The following POU2F3 variants were observed in gnomAD, a reference collection of about 807,000 sequenced individuals.
The protein encoded by POU2F3 is POU domain, class 2, transcription factor 3.
A neutral mutation model predicts 59.2 loss-of-function variants in POU2F3; 23 were observed. The observed-to-expected ratio is 0.39, with a 90% confidence interval of 0.28 to 0.55. The LOEUF is 0.55. Ranked by LOEUF, POU2F3 falls within the 20% of genes least tolerant of loss-of-function variation. POU2F3 has a pLI of 0.66. For synonymous variants in POU2F3, 190 were observed against 214.6 expected, an observed-to-expected ratio of 0.89 and a Z score of 1.00; for missense variants, 473 against 544.5, an observed-to-expected ratio of 0.87 and a Z score of 1.31.
At chr11:120,244,064 G>T (rs1463872609) in intron 1 of POU2F3, among the ~76,000 whole-genome samples, 1 of 152,220 alleles carries the variant, frequency 6.6e-6, no homozygotes, top group Non-Finnish European at 1.5e-5. Flanking sequence ...TTTAGCTAAA[G>T]AATTACCTTC....
At chr11:120,250,423 C>G (rs1939048833) in intron 2 of POU2F3, 1 of 152,232 alleles carries the variant, frequency 6.6e-6, no homozygotes, top group South Asian at 2.1e-4. Context: ...ACAGTGACAA[C>G]ATGTGTCTGT....
intron 3 of POU2F3, among the ~76,000 whole-genome samples, chr11:120,280,586 A>G (rs1232901909): frequency 6.6e-6 from 1 of 152,236 alleles, no homozygotes; most frequent in East Asian, 1.9e-4. Context: ...CTACCATACC[A>G]GGCTGCTTTT....
chr11:120,249,574 A>G (rs1939015636), intron 2 of POU2F3, among the ~76,000 whole-genome samples: 1 of 152,226 alleles, frequency 6.6e-6, no homozygotes, highest in African/African-American at 2.4e-5. Context: ...TGATGAGAAT[A>G]TAGCCTTACC....
chr11:120,247,771 C>T (rs1160052227), intron 2 of POU2F3, among the ~76,000 whole-genome samples: 1 of 152,212 alleles, frequency 6.6e-6, no homozygotes, highest in African/African-American at 2.4e-5. Context: ...CACACTGACA[C>T]CCTTCCCTAG....
Position 120,318,588 on chromosome 11 carries a change from C to T in POU2F3, c.*196C>T, listed in dbSNP as rs1485888474. On this transcript the variant is annotated 3_prime_UTR_variant, in exon 13 of 13. Transcript: ENST00000543440. ...CTGTGATTGAACCAAGTGCAGACTC[C>T]TAATGCTCTTGAAATACACAGCCCC... 2 of 580,676 alleles carry T rather than the reference C, an allele frequency of 3.4e-6. No homozygotes were observed. The highest frequency in any genetic ancestry group is 3.8e-5 in the African/African-American group (2 of 53,124). 36.0% of individuals were successfully genotyped at this position (580,676 alleles called of 1,614,324 possible).
Position 120,317,378 on chromosome 11 carries a change from G to A in POU2F3, c.1271+14G>A. ...TAACTCTTCAGGGTAAGGTGAAGGG[G>A]ACGGTGCAGAGACATCCCAGCAGGG... On this transcript the variant is annotated intron_variant, in intron 12 of 12. Transcript: ENST00000543440. 1 of 1,614,046 alleles carries A rather than the reference G, an allele frequency of 6.2e-7. No homozygotes were observed. The highest frequency in any genetic ancestry group is 8.5e-7 in the Non-Finnish European group (1 of 1,179,956).
intron 2 of POU2F3, chr11:120,254,149 G>T (rs1467900144): frequency 6.6e-6 from 1 of 152,232 alleles, no homozygotes; most frequent in African/African-American, 2.4e-5. Context: ...CGATTAGGGC[G>T]ATGAACACCT....
intron 10 of POU2F3, 95 bp from the exon 11 acceptor site, chr11:120,315,266 C>A: frequency 2.6e-6 from 3 of 1,167,752 alleles, no homozygotes; most frequent in Middle Eastern, 2.0e-4. Flanking sequence ...AAGCCCTGGT[C>A]TCTGTAGAGT....
intron 3 of POU2F3, among the ~76,000 whole-genome samples, chr11:120,294,743 T>G (rs1291577338): frequency 1.3e-5 from 2 of 152,180 alleles, no homozygotes; most frequent in Admixed American, 6.5e-5. Flanking sequence ...CCCTTCCTCC[T>G]TCCTGTTGAA....
intron 3 of POU2F3, among the ~76,000 whole-genome samples, chr11:120,284,049 C>T (rs1433819419): frequency 1.3e-5 from 2 of 151,782 alleles, no homozygotes; most frequent in East Asian, 1.9e-4. Flanking sequence ...CACGGTGGTG[C>T]GCACCTGTAA....
intron 9 of POU2F3, 26 bp from the exon 10 acceptor site, chr11:120,309,399 A>G (rs1263035560): frequency 6.3e-7 from 1 of 1,591,256 alleles, no homozygotes; most frequent in Non-Finnish European, 8.6e-7. Flanking sequence ...TCTCTTGGCC[A>G]TACTCTGTCC....
Position 120,240,348 on chromosome 11 carries a change from T to G in POU2F3, c.5T>G (p.Val2Gly), listed in dbSNP as rs1374534008. ...TTTGGCCCCGCCTGGGGCAGGATGG[T>G]GAATCTGGAGTCCATGCACACAGGT... Reference protein sequence around the residue: MVNLESMHTDIK... With the variant: MGNLESMHTDIK... The change falls in exon 1 of 13, where the codon GTG becomes GGG. Residue 2 changes from valine (V) to glycine (G), a missense_variant. Transcript: ENST00000543440. 1.4e-6 allele frequency: 2 copies of G among 1,413,130 alleles called. No homozygotes were observed. The highest frequency in any genetic ancestry group is 1.9e-6 in the Non-Finnish European group (2 of 1,072,452). The allele number at this position is 1,413,130 out of a possible 1,614,324, so 87.5% of individuals were successfully genotyped here.
At position 120,298,290 on chromosome 11, in the gene POU2F3, C is replaced by G; in HGVS notation, c.158C>G (p.Ser53Cys). The change falls in exon 4 of 13, where the codon TCC becomes TGC. Residue 53 changes from serine to cysteine, a missense_variant. Transcript: ENST00000543440. ...ATTAAAACCGAAGATCTCAGTGACT[C>G]CCTGCAGCAGACCCTCTCCCATCGG... ...RQIKTEDLSDSLQQTLSHRPC... is the reference protein window; with the variant it reads ...RQIKTEDLSDCLQQTLSHRPC... 5 of 1,613,652 alleles carry G rather than the reference C, an allele frequency of 3.1e-6. No individual in the cohort carries two copies. The highest frequency in any genetic ancestry group is 3.4e-6 in the Non-Finnish European group (4 of 1,179,796).
At chr11:120,277,868 T>C (rs1346916192) in intron 3 of POU2F3, among the ~76,000 whole-genome samples, 2 of 152,190 alleles carry the variant, frequency 1.3e-5, no homozygotes, top group Non-Finnish European at 2.9e-5. Context: ...TATAAAACAA[T>C]GTGTATTTCA....
intron 2 of POU2F3, among the ~76,000 whole-genome samples, chr11:120,260,920 T>C (rs950800552): frequency 1.3e-5 from 2 of 151,964 alleles, no homozygotes; most frequent in Non-Finnish European, 2.9e-5. Context: ...TTTTTTAAAT[T>C]AGTCAGTTGT....
At chr11:120,302,184 A>AG in intron 5 of POU2F3, 102 bp from the exon 6 acceptor site, 1 of 969,404 alleles carries the variant, frequency 1.0e-6, no homozygotes, top group Non-Finnish European at 1.6e-6. Flanking sequence ...ATCAGGTGGC[A>AG]GGGGGTGGGG....
intron 3 of POU2F3, among the ~76,000 whole-genome samples, chr11:120,275,030 G>C (rs1351304538): frequency 6.6e-6 from 1 of 152,214 alleles, no homozygotes; most frequent in Non-Finnish European, 1.5e-5. Flanking sequence ...CCTGGTGTCT[G>C]TCTGGTCCAC....
chr11:120,303,457 G>C (rs986067125), intron 6 of POU2F3: 1 of 152,238 alleles, frequency 6.6e-6, no homozygotes, highest in African/African-American at 2.4e-5. Context: ...ATAAGAAGAG[G>C]GGATGATTGA....
intron 8 of POU2F3, among the ~76,000 whole-genome samples, chr11:120,306,974 C>CA (rs1335781310): frequency 6.6e-6 from 1 of 152,244 alleles, no homozygotes; most frequent in African/African-American, 2.4e-5. Flanking sequence ...AGCCTTAGCT[C>CA]AAACATTTGC....
Sources: gnomAD v4.1 joint callset for allele counts (sites outside exome capture counted in the v4.1 genomes callset) on GRCh38, gnomAD v4.1.1 for gene constraint, MANE v1.5 for transcripts, NCBI Gene and HGNC (gene_info 2026-07-23, HGNC 2026-07-21) for gene names.